DYNC2H1: variants seen among roughly 807,000 people sequenced by gnomAD.
DYNC2H1 encodes dynein cytoplasmic 2 heavy chain 1.
A neutral mutation model predicts 570.0 loss-of-function variants in DYNC2H1; 410 were observed. The ratio of observed to expected loss-of-function variants is 0.72; its 90% CI spans 0.66 to 0.78. The LOEUF (loss-of-function observed/expected upper bound fraction) is 0.78. Among genes scored for constraint, DYNC2H1 ranks in the 30% least tolerant of loss-of-function variants. The probability of loss-of-function intolerance (pLI) is 0.00; values close to 1 mark genes in which losing one functional copy is unlikely to be tolerated. For missense variants in DYNC2H1, 4,865 were observed against 5,046.4 expected (o/e 0.96, Z 1.09); for synonymous variants, 1,688 against 1,677.6 (o/e 1.01, Z -0.15).
chr11:103,326,788 G>A lies in DYNC2H1; in HGVS notation c.12039+2798G>A, dbSNP rs569633871. ...ATCCTGTGGGGGAAGCCAGCCTGCT[G>A]TCTCTTGGCCTGGCAGTCAGCTGAT... On this transcript the variant is annotated intron_variant, in intron 82 of 88. Coordinates refer to ENST00000375735, the MANE Select transcript of DYNC2H1 (RefSeq NM_001377.3). The surrounding 1 kb of genome is among the most constrained non-coding windows in gnomAD (Gnocchi z 6.1). Among the ~76,000 whole-genome samples the A allele has an allele frequency of 1.3e-5, 2 of 152,326 alleles. No individual in the cohort carries two copies. The highest frequency in any genetic ancestry group is 4.1e-4 in the South Asian group (2 of 4,830).
At chr11:103,149,365 C>T (rs1021364321) in intron 20 of DYNC2H1, among the ~76,000 whole-genome samples, 1 of 151,946 alleles carries the variant, frequency 6.6e-6, no homozygotes, top group African/African-American at 2.4e-5. Context: ...AGGCTAGAGC[C>T]CAGAATAGAC....
At chr11:103,422,291 C>T (rs1943513699) in intron 84 of DYNC2H1, among the ~76,000 whole-genome samples, 1 of 152,066 alleles carries the variant, frequency 6.6e-6, no homozygotes. Flanking sequence ...GTTTCTACTG[C>T]AACTATTCCA....
At chr11:103,348,413 C>T (rs930295729) in intron 82 of DYNC2H1, among the ~76,000 whole-genome samples, 1 of 152,090 alleles carries the variant, frequency 6.6e-6, no homozygotes, top group African/African-American at 2.4e-5. Context: ...GTGAACATCC[C>T]CATTACCCCC....
At chr11:103,371,938 T>G (rs1941169850) in intron 83 of DYNC2H1, among the ~76,000 whole-genome samples, 1 of 145,240 alleles carries the variant, frequency 6.9e-6, no homozygotes, top group East Asian at 2.0e-4. Context: ...TTTTTTTTTT[T>G]TTTTTTTTTT....
At chr11:103,313,718 T>A (rs926430735) in intron 79 of DYNC2H1, among the ~76,000 whole-genome samples, 1 of 151,898 alleles carries the variant, frequency 6.6e-6, no homozygotes, top group African/African-American at 2.4e-5. Context: ...ATTGTGGGCA[T>A]CAAATGAAAT....
intron 78 of DYNC2H1, among the ~76,000 whole-genome samples, chr11:103,309,567 A>G (rs558323676): frequency 4.6e-5 from 7 of 151,260 alleles, no homozygotes; most frequent in Non-Finnish European, 8.9e-5. Context: ...GAAAAAAAAA[A>G]GGGTAAGCAT....
At chr11:103,281,729 A>G (rs1396337928) in intron 71 of DYNC2H1, among the ~76,000 whole-genome samples, 3 of 151,072 alleles carry the variant, frequency 2.0e-5, no homozygotes, top group African/African-American at 7.4e-5. Flanking sequence ...AAAAAAAAAA[A>G]AGATTAATGG....
chr11:103,477,224 A>G (rs1400852526), intron 88 of DYNC2H1, among the ~76,000 whole-genome samples: 1 of 152,208 alleles, frequency 6.6e-6, no homozygotes, highest in East Asian at 1.9e-4. Context: ...ATTAGTTGCT[A>G]ACATTCATAT....
chr11:103,134,695 AT>A (rs1859449374), intron 15 of DYNC2H1, among the ~76,000 whole-genome samples: 1 of 152,128 alleles, frequency 6.6e-6, no homozygotes, highest in Non-Finnish European at 1.5e-5. Context: ...GTATTTAAAT[AT>A]CTATCACTTA....
In DYNC2H1 at chr11:103,316,404, A is replaced by G. The variant is rs573054310; in HGVS notation, c.11650-141A>G. ...AGTTTACTGTTACTTTAGATTTATT[A>G]TGTGTTGGTTTTATTAAAAATTCTC... On this transcript the variant is annotated intron_variant, in intron 79 of 88. Coordinates refer to ENST00000375735, the MANE Select transcript of DYNC2H1 (RefSeq NM_001377.3). 7.5e-6 allele frequency: 4 copies of G among 532,212 alleles called. No homozygotes were observed. The East Asian group carries it at 1.1e-4, about 14-fold the overall frequency. 33.0% of individuals were successfully genotyped at this position (532,212 alleles called of 1,614,324 possible).
At chr11:103,344,660 C>T (rs1939645688) in intron 82 of DYNC2H1, among the ~76,000 whole-genome samples, 1 of 152,218 alleles carries the variant, frequency 6.6e-6, no homozygotes. Context: ...CCTCCCCCAA[C>T]ACTTAGTTCC....
In DYNC2H1 at chr11:103,179,241, A is replaced by G. The variant is rs1426723111; in HGVS notation, c.6347+8A>G. 2 of 1,611,690 alleles carry G rather than the reference A, an allele frequency of 1.2e-6. No individual in the cohort carries two copies. Among genetic ancestry groups the G allele is most frequent in the South Asian group, 1.1e-5 (1 of 91,002 alleles). On this transcript the variant is annotated splice_region_variant and intron_variant, in intron 39 of 88. Transcript: ENST00000375735. ...GGGAATGATCTTTCTTAGGTAAGCC[A>G]TAGATTATTTATATACAGTATATTA...
chr11:103,376,369 G>GT (rs1230920066), intron 83 of DYNC2H1, among the ~76,000 whole-genome samples: 3 of 152,122 alleles, frequency 2.0e-5, no homozygotes, highest in Admixed American at 6.5e-5. Flanking sequence ...TTTTCTGGTT[G>GT]TTTTTTAGAT....
At chr11:103,220,300 C>G (rs1252379931) in intron 56 of DYNC2H1, among the ~76,000 whole-genome samples, 1 of 152,138 alleles carries the variant, frequency 6.6e-6, no homozygotes, top group Non-Finnish European at 1.5e-5. Flanking sequence ...TTAAGATATA[C>G]TGTTAAGCTC....
intron 82 of DYNC2H1, among the ~76,000 whole-genome samples, chr11:103,327,170 C>T (rs1233215130): frequency 6.6e-6 from 1 of 152,034 alleles, no homozygotes; most frequent in Admixed American, 6.6e-5. Flanking sequence ...TCTCCATCCA[C>T]TCTCGGTAGT....
intron 75 of DYNC2H1, among the ~76,000 whole-genome samples, chr11:103,293,423 A>T (rs923136155): frequency 6.6e-6 from 1 of 152,076 alleles, no homozygotes; most frequent in Non-Finnish European, 1.5e-5. Context: ...TCTGTTAGTG[A>T]TTTTGGCTGT....
chr11:103,311,439 T>C lies in DYNC2H1; in HGVS notation c.11494-439T>C, dbSNP rs142370286. Reference sequence around the variant, plus strand: ...TGGACTAATGCATAAGGAACGTTAGTTGACATTCTATGTAAATGGTATGTT... The same window carrying C: ...TGGACTAATGCATAAGGAACGTTAGCTGACATTCTATGTAAATGGTATGTT... On this transcript the variant is annotated intron_variant, in intron 78 of 88. Transcript: ENST00000375735. Among the ~76,000 whole-genome samples the C allele has an allele frequency of 4.0e-3, 615 of 152,298 alleles. 2 individuals carry two copies. The highest frequency in any genetic ancestry group is 6.4e-3 in the Non-Finnish European group (438 of 68,022).
rs750542941 is a variant in DYNC2H1 at position 103,129,013 on chromosome 11, G to A, written c.1953+8G>A. 34 of 1,587,022 alleles carry A rather than the reference G, an allele frequency of 2.1e-5. No individual in the cohort carries two copies. Among genetic ancestry groups the A allele is most frequent in the Non-Finnish European group, 2.6e-5 (30 of 1,165,216 alleles). On this transcript the variant is annotated splice_region_variant and intron_variant, in intron 13 of 88. Coordinates refer to ENST00000375735, the MANE Select transcript of DYNC2H1 (RefSeq NM_001377.3). The surrounding 1 kb of genome is among the most constrained non-coding windows in gnomAD (Gnocchi z 4.1). ...TTTGAACAGATAATTAAGGTAAATG[G>A]GCTTTTAATTTTATTATAATTAGAT... is the stretch of plus-strand genomic sequence containing the variant.
At position 103,462,751 on chromosome 11, in the gene DYNC2H1, TTGTA is replaced by T. The variant is rs1460258169; in HGVS notation, c.12649-5836_12649-5833del. On this transcript the variant is annotated intron_variant, in intron 87 of 88. Coordinates refer to ENST00000375735, the MANE Select transcript of DYNC2H1 (RefSeq NM_001377.3). ...CTCTTTAAGTATCATTGTGAGCTTC[TTGTA>T]TATCTAATGTTTCAGTAAATTGCAT... is the stretch of plus-strand genomic sequence containing the variant. Among the ~76,000 whole-genome samples, 15 of 152,346 alleles carry T rather than the reference TTGTA, an allele frequency of 9.8e-5. No individual in the cohort carries two copies. The South Asian group carries it at 1.5e-3, about 15-fold the overall frequency.
Sources: allele counts gnomAD v4.1 joint callset (sites outside exome capture counted in the v4.1 genomes callset), GRCh38; gene constraint gnomAD v4.1.1; non-coding constraint Gnocchi (gnomAD v3.1); transcripts MANE v1.5; gene names NCBI Gene and HGNC (gene_info 2026-07-23, HGNC 2026-07-21).